MLLT3: variants seen among roughly 807,000 people sequenced by gnomAD.
MLLT3 encodes protein AF-9.
Under a neutral mutation model 53.2 loss-of-function variants are expected in MLLT3, and 4 were observed. The observed-to-expected ratio is 0.08, with a 90% CI of 0.04 to 0.17. The LOEUF (loss-of-function observed/expected upper bound fraction) is 0.17, where lower values mean the gene tolerates loss of function less well. Among genes scored for constraint, MLLT3 ranks in the 10% least tolerant of loss-of-function variants. The probability of loss-of-function intolerance (pLI) is 1.00; values close to 1 mark genes in which losing one functional copy is unlikely to be tolerated. For synonymous variants in MLLT3, 283 were observed against 230.6 expected (o/e 1.23, Z -2.06); for missense variants, 569 against 684.0 (o/e 0.83, Z 1.87).
chr9:20,452,559 T>C (rs1296451513), intron 3 of MLLT3, among the ~76,000 whole-genome samples: 5 of 152,196 alleles, frequency 3.3e-5, no homozygotes, highest in Non-Finnish European at 2.9e-5. Context: ...ATTACTATAA[T>C]GGATGTTTAT....
chr9:20,505,191 T>C (rs1256278270), intron 2 of MLLT3, among the ~76,000 whole-genome samples: 2 of 152,110 alleles, frequency 1.3e-5, no homozygotes, highest in African/African-American at 2.4e-5. Context: ...CAAAGTCAAA[T>C]AGATCAAAAG....
intron 2 of MLLT3, among the ~76,000 whole-genome samples, chr9:20,509,119 C>T (rs1048519224): frequency 8.5e-5 from 13 of 152,166 alleles, no homozygotes; most frequent in African/African-American, 2.9e-4. Flanking sequence ...TGCCCACAAC[C>T]GTTTACATTC....
chr9:20,587,588 A>G (rs1820007682), intron 2 of MLLT3, among the ~76,000 whole-genome samples: 1 of 152,246 alleles, frequency 6.6e-6, no homozygotes, highest in Non-Finnish European at 1.5e-5. Flanking sequence ...TGTGGCTTTC[A>G]AATACAGAGA....
chr9:20,360,611 G>T, intron 8 of MLLT3, 131 bp downstream of exon 8: 1 of 710,430 alleles, frequency 1.4e-6, no homozygotes, highest in Non-Finnish European at 2.5e-6. Flanking sequence ...ACAGGCTGTG[G>T]CCTCCCTCCC....
At chr9:20,546,867 T>G (rs1430782599) in intron 2 of MLLT3, among the ~76,000 whole-genome samples, 1 of 152,216 alleles carries the variant, frequency 6.6e-6, no homozygotes, top group African/African-American at 2.4e-5. Context: ...GGGTGCTAAG[T>G]AAAAATGCTA....
At chr9:20,572,260 TA>T (rs1199139078) in intron 2 of MLLT3, among the ~76,000 whole-genome samples, 1 of 152,028 alleles carries the variant, frequency 6.6e-6, no homozygotes, top group Admixed American at 6.6e-5. Context: ...AAGCTGCAGT[TA>T]AATGGAAGGA....
intron 5 of MLLT3, among the ~76,000 whole-genome samples, chr9:20,412,427 A>T (rs1031533185): frequency 6.6e-6 from 1 of 152,184 alleles, no homozygotes; most frequent in African/African-American, 2.4e-5. Context: ...TACTGTCCTA[A>T]TCTGATCTTC....
intron 2 of MLLT3, among the ~76,000 whole-genome samples, chr9:20,553,018 T>A (rs1818963562): frequency 6.6e-6 from 1 of 152,196 alleles, no homozygotes; most frequent in Non-Finnish European, 1.5e-5. Flanking sequence ...TTTCCCTACA[T>A]TGGACATCCA....
At position 20,431,254 on chromosome 9, in the gene MLLT3, C is replaced by A. The variant is rs151206904; in HGVS notation, c.421-16829G>T. ...CGGCAGACCAGCAATATTAGTATTA[C>A]CTAGATGCTTATTAGAAATTTATAT... On this transcript the variant is annotated intron_variant, in intron 4 of 10. Coordinates refer to ENST00000380338, the MANE Select transcript of MLLT3 (RefSeq NM_004529.4). Among the ~76,000 whole-genome samples, 358 of 152,130 alleles carry A rather than the reference C, an allele frequency of 2.4e-3. 2 individuals carry two copies. Among genetic ancestry groups the A allele is most frequent in the African/African-American group, 7.8e-3 (323 of 41,512 alleles).
chr9:20,576,958 T>C (rs887756386), intron 2 of MLLT3, among the ~76,000 whole-genome samples: 6 of 152,266 alleles, frequency 3.9e-5, no homozygotes, highest in East Asian at 1.9e-4. Flanking sequence ...CTGGGCAATA[T>C]AGTGAGATCT....
intron 2 of MLLT3, among the ~76,000 whole-genome samples, chr9:20,566,020 ATATTTATTTATATT>A (rs1348080873): frequency 4.7e-5 from 6 of 127,960 alleles, no homozygotes; most frequent in Non-Finnish European, 6.5e-5. Context: ...ATTTTTATAT[ATATTTATTTATATT>A]TATTTATTTA....
At chr9:20,553,189 C>T (rs1818968721) in intron 2 of MLLT3, among the ~76,000 whole-genome samples, 3 of 152,006 alleles carry the variant, frequency 2.0e-5, no homozygotes, top group Non-Finnish European at 2.9e-5. Context: ...CTTTAAAAGC[C>T]ACTTAAAACA....
intron 2 of MLLT3, among the ~76,000 whole-genome samples, chr9:20,521,701 C>A (rs1216290904): frequency 6.6e-6 from 1 of 152,036 alleles, no homozygotes; most frequent in Non-Finnish European, 1.5e-5. Context: ...TCAAGTAATG[C>A]ATGAAAAAGA....
intron 2 of MLLT3, among the ~76,000 whole-genome samples, chr9:20,605,591 G>A (rs1259766786): frequency 1.3e-5 from 2 of 152,026 alleles, no homozygotes; most frequent in Non-Finnish European, 2.9e-5. Context: ...TGATGCATAT[G>A]TAACTATATT....
At chr9:20,528,231 T>C (rs1488361633) in intron 2 of MLLT3, among the ~76,000 whole-genome samples, 2 of 152,262 alleles carry the variant, frequency 1.3e-5, no homozygotes, top group Non-Finnish European at 2.9e-5. Context: ...GGTGTGTGTA[T>C]AAATATATCC....
intron 2 of MLLT3, among the ~76,000 whole-genome samples, chr9:20,546,984 G>A (rs537129428): frequency 1.3e-5 from 2 of 152,120 alleles, no homozygotes; most frequent in African/African-American, 4.8e-5. Flanking sequence ...ATTCTTCCCC[G>A]TATATAAGGC....
At chr9:20,516,259 C>G (rs745565894) in intron 2 of MLLT3, among the ~76,000 whole-genome samples, 2 of 152,218 alleles carry the variant, frequency 1.3e-5, no homozygotes, top group African/African-American at 4.8e-5. Flanking sequence ...TGGTCACAAC[C>G]AGCACAAACG....
chr9:20,611,452 G>A (rs948392499), intron 2 of MLLT3, among the ~76,000 whole-genome samples: 1 of 151,440 alleles, frequency 6.6e-6, no homozygotes, highest in Non-Finnish European at 1.5e-5. Context: ...GTATTGATGA[G>A]GAAATAACTA....
chr9:20,572,873 G>T (rs555794433), intron 2 of MLLT3, among the ~76,000 whole-genome samples: 3 of 152,142 alleles, frequency 2.0e-5, no homozygotes, highest in Admixed American at 6.5e-5. Flanking sequence ...GAAAATTTCT[G>T]AACTACCTTT....
Sources: gnomAD v4.1 joint callset for allele counts (sites outside exome capture counted in the v4.1 genomes callset) on GRCh38, gnomAD v4.1.1 for gene constraint, MANE v1.5 for transcripts, NCBI Gene and HGNC (gene_info 2026-07-23, HGNC 2026-07-21) for gene names.